The following ABCC12 variants were observed in gnomAD, a reference collection of about 807,000 sequenced individuals.
The protein encoded by ABCC12 is ATP binding cassette subfamily C member 12, also known as ATP-binding cassette sub-family C member 12.
A neutral mutation model predicts 151.1 loss-of-function variants in ABCC12; 142 were observed. The ratio of observed to expected loss-of-function variants is 0.94; its 90% confidence interval spans 0.82 to 1.08. The LOEUF is 1.08. Ranked by LOEUF, ABCC12 falls within the 50% of genes least tolerant of loss-of-function variation. ABCC12 has a pLI of 0.00. For synonymous variants in ABCC12, 645 were observed against 646.4 expected (o/e 1.00, Z 0.03); for missense variants, 1,638 against 1,691.1 (o/e 0.97, Z 0.55).
intron 11 of ABCC12, among the ~76,000 whole-genome samples, 179 bp downstream of exon 11, chr16:48,128,280 G>A (rs1567454195): frequency 6.6e-6 from 1 of 152,204 alleles, no homozygotes; most frequent in Non-Finnish European, 1.5e-5. Context: ...ACTTGGAGAG[G>A]GGGCCTCCAA....
intron 24 of ABCC12, among the ~76,000 whole-genome samples, chr16:48,093,626 T>C (rs1962990369): frequency 6.6e-6 from 1 of 152,140 alleles, no homozygotes; most frequent in South Asian, 2.1e-4. Context: ...GACTGCTGAC[T>C]GCTGATTCCA....
intron 2 of ABCC12, among the ~76,000 whole-genome samples, chr16:48,149,805 A>G (rs1424866682): frequency 6.6e-6 from 1 of 152,238 alleles, no homozygotes; most frequent in African/African-American, 2.4e-5. Flanking sequence ...GGCAATTGAC[A>G]GATGATCCAA....
intron 3 of ABCC12, among the ~76,000 whole-genome samples, chr16:48,145,958 G>A (rs890378138): frequency 1.3e-5 from 2 of 152,336 alleles, no homozygotes; most frequent in South Asian, 4.1e-4. Context: ...CCTTAGGCAA[G>A]TCACTTAACC....
chr16:48,150,280 A>G (rs1965099361), intron 2 of ABCC12, among the ~76,000 whole-genome samples: 1 of 152,200 alleles, frequency 6.6e-6, no homozygotes, highest in South Asian at 2.1e-4. Context: ...AATCTCATGC[A>G]AAAAATATTT....
At chr16:48,141,459 C>T (rs1017458288) in intron 4 of ABCC12, 106 bp from the exon 5 acceptor site, 2 of 1,431,424 alleles carry the variant, frequency 1.4e-6, no homozygotes, top group African/African-American at 2.8e-5. Context: ...GAGCCCCCCT[C>T]CCTGGCAGTG....
Position 48,138,386 on chromosome 16 carries a change from G to T in ABCC12, c.832-11C>A. 6.2e-7 allele frequency: 1 copy of T among 1,608,490 alleles called. No individual in the cohort carries two copies. Among genetic ancestry groups the T allele is most frequent in the Non-Finnish European group, 8.5e-7 (1 of 1,175,842 alleles). Reference sequence around the variant, plus strand: ...CTTGGCCATAAACATCTGAAATCAAGGTACAAACACTGTTTTCAGAGAGAA... The same window carrying T: ...CTTGGCCATAAACATCTGAAATCAATGTACAAACACTGTTTTCAGAGAGAA... On this transcript the variant is annotated splice_polypyrimidine_tract_variant and intron_variant, in intron 7 of 30. Transcript: ENST00000311303.
intron 10 of ABCC12, among the ~76,000 whole-genome samples, chr16:48,130,133 C>T (rs1042686467): frequency 2.6e-5 from 4 of 152,168 alleles, no homozygotes; most frequent in Non-Finnish European, 5.9e-5. Flanking sequence ...AACAAGCTTT[C>T]GTGTTGACAC....
chr16:48,095,735 T>C (rs1332958427), intron 24 of ABCC12, among the ~76,000 whole-genome samples: 1 of 150,412 alleles, frequency 6.6e-6, no homozygotes, highest in African/African-American at 2.4e-5. Flanking sequence ...AAAGAGGACA[T>C]TGTCAAAATG....
In ABCC12 at chr16:48,140,832, G is replaced by T; in HGVS notation, c.512C>A (p.Ala171Asp). Reference protein sequence around the residue: ...VGIGLCIALFATEFTKVFFWA... With the variant: ...VGIGLCIALFDTEFTKVFFWA... ...AAAGAAGACTTTGGTAAACTCGGTG[G>T]CAAAAAGGGCTATGCACAGTCCAAT... is the stretch of plus-strand genomic sequence containing the variant. The change falls in exon 6 of 31, where the codon GCC becomes GAC. Residue 171 changes from alanine to aspartate, a missense_variant. Transcript: ENST00000311303. The T allele has an allele frequency of 6.2e-7, 1 of 1,614,102 alleles. No homozygotes were observed. Among genetic ancestry groups the T allele is most frequent in the Admixed American group, 1.7e-5 (1 of 60,008 alleles).
intron 3 of ABCC12, among the ~76,000 whole-genome samples, chr16:48,145,679 G>GGCT (rs1964974451): frequency 6.6e-6 from 1 of 152,214 alleles, no homozygotes; most frequent in Non-Finnish European, 1.5e-5. Context: ...CTGTGTGACC[G>GGCT]AGCCTGGGCT....
chr16:48,092,010 G>A (rs1471359458), intron 24 of ABCC12, among the ~76,000 whole-genome samples: 1 of 152,158 alleles, frequency 6.6e-6, no homozygotes, highest in Non-Finnish European at 1.5e-5. Flanking sequence ...GAAGGCAGAG[G>A]CAGAGACTGG....
intron 24 of ABCC12, 22 bp from the exon 25 acceptor site, chr16:48,091,231 C>G: frequency 6.2e-7 from 1 of 1,611,612 alleles, no homozygotes. Context: ...GAGCGAGCAG[C>G]CGCAGTTAGA....
Position 48,121,766 on chromosome 16 carries a change from A to T in ABCC12, c.1662T>A (p.His554Gln). ...AYVSQQAWIF[H>Q]GNVRENILFG... Reference sequence around the variant, plus strand: ...AGAGTATGTTTTCTCTCACATTTCCATGAAAGATCCATGCCTGCTGTGAAA... The same window carrying T: ...AGAGTATGTTTTCTCTCACATTTCCTTGAAAGATCCATGCCTGCTGTGAAA... Residue 554 changes from histidine (H) to glutamine (Q), a missense_variant, in exon 13 of 31, where the codon CAT becomes CAA. Coordinates refer to ENST00000311303, the MANE Select transcript of ABCC12 (RefSeq NM_001393797.1). 1.2e-6 allele frequency: 2 copies of T among 1,614,180 alleles called. No individual in the cohort carries two copies. The highest frequency in any genetic ancestry group is 2.2e-5 in the South Asian group (2 of 91,084).
intron 29 of ABCC12, 27 bp downstream of exon 29, chr16:48,085,565 GA>G (rs764652069): frequency 6.2e-7 from 1 of 1,600,738 alleles, no homozygotes; most frequent in Non-Finnish European, 8.6e-7. Flanking sequence ...TCCAAAATTT[GA>G]CCAATCCATT....
In ABCC12 at chr16:48,104,099, T is replaced by G. The variant is rs762651969; in HGVS notation, c.2900+43A>C. 19 of 1,570,828 alleles carry G rather than the reference T, an allele frequency of 1.2e-5. No individual in the cohort carries two copies. In the South Asian group the frequency reaches 2.1e-4, roughly 18 times the overall value. ...AATATCACCTGATACCCAGTCAGTG[T>G]GTGTGTGTATCGTTTTCTCGTGTAA... On this transcript the variant is annotated intron_variant, in intron 22 of 30. Coordinates refer to ENST00000311303, the MANE Select transcript of ABCC12 (RefSeq NM_001393797.1).
chr16:48,108,373 C>T (rs1196049054), intron 19 of ABCC12, 67 bp downstream of exon 19: 2 of 1,389,972 alleles, frequency 1.4e-6, no homozygotes, highest in Middle Eastern at 1.8e-4. Context: ...AAACGTGAAC[C>T]CAACAGTTTA....
intron 11 of ABCC12, 112 bp downstream of exon 11, chr16:48,128,347 C>T: frequency 6.8e-7 from 1 of 1,459,946 alleles, no homozygotes; most frequent in East Asian, 2.3e-5. Flanking sequence ...TGGTTAGAGA[C>T]ATCCCATCAC....
chr16:48,096,450 G>A (rs570496902), intron 24 of ABCC12, among the ~76,000 whole-genome samples: 4 of 152,162 alleles, frequency 2.6e-5, no homozygotes, highest in South Asian at 2.1e-4. Context: ...TTCTGCCTCC[G>A]TGGCTGGGCC....
chr16:48,117,082 A>C (rs1022606816), intron 14 of ABCC12, among the ~76,000 whole-genome samples, 179 bp downstream of exon 14: 3 of 152,234 alleles, frequency 2.0e-5, no homozygotes, highest in African/African-American at 7.2e-5. Flanking sequence ...CACGTCCACT[A>C]TGACATCCAG....
Sources: allele counts gnomAD v4.1 joint callset (sites outside exome capture counted in the v4.1 genomes callset), GRCh38; gene constraint gnomAD v4.1.1; transcripts MANE v1.5; gene names NCBI Gene and HGNC (gene_info 2026-07-23, HGNC 2026-07-21).